The following HOMER1 variants were observed in gnomAD, a reference collection of about 807,000 sequenced individuals.
The protein encoded by HOMER1 is homer protein homolog 1.
Under a neutral mutation model 48.9 loss-of-function variants are expected in HOMER1, and 3 were observed. That is an observed-to-expected ratio of 0.06 (90% confidence interval 0.03 to 0.16). The LOEUF is 0.16. HOMER1 is among the 10% of genes least tolerant of loss of function. HOMER1 has a pLI of 1.00. For synonymous variants in HOMER1, 134 were observed against 146.4 expected, an observed-to-expected ratio of 0.92 and a Z score of 0.61; for missense variants, 247 against 411.4, an observed-to-expected ratio of 0.60 and a Z score of 3.46.
chr5:79,458,361 T>C (rs1157658420), intron 1 of HOMER1, among the ~76,000 whole-genome samples: 3 of 151,836 alleles, frequency 2.0e-5, no homozygotes, highest in African/African-American at 4.8e-5. Flanking sequence ...CAGTTCAATG[T>C]CATAAAGAAA....
chr5:79,399,087 TTCTGATAATG>T (rs1423286099), intron 6 of HOMER1, among the ~76,000 whole-genome samples: 1 of 152,220 alleles, frequency 6.6e-6, no homozygotes, highest in African/African-American at 2.4e-5. Flanking sequence ...GGAGTTCCAA[TTCTGATAATG>T]ATGAAATAGT....
chr5:79,398,778 G>A (rs924888599), intron 6 of HOMER1, among the ~76,000 whole-genome samples: 1 of 152,142 alleles, frequency 6.6e-6, no homozygotes, highest in Non-Finnish European at 1.5e-5. Context: ...TACTCAGTGA[G>A]TACTTCCAAC....
chr5:79,434,158 GA>G (rs1396626457), intron 5 of HOMER1, among the ~76,000 whole-genome samples: 1 of 151,892 alleles, frequency 6.6e-6, no homozygotes, highest in African/African-American at 2.4e-5. Context: ...CTGAACTCTC[GA>G]AAATATGACA....
At chr5:79,423,172 TCAC>T (rs748712160) in intron 5 of HOMER1, among the ~76,000 whole-genome samples, 4 of 152,156 alleles carry the variant, frequency 2.6e-5, no homozygotes, top group East Asian at 3.8e-4. Flanking sequence ...ATAATTGACT[TCAC>T]TATTTTCCAT....
rs1446673629 is a variant in HOMER1 at position 79,504,261 on chromosome 5, C to T, written c.5+8509G>A. ...CAGAACCCTGGCAATACTCAGTAAA[C>T]AAGAGTAGGAGGAATCCTCAATCTG... is the stretch of plus-strand genomic sequence containing the variant. On this transcript the variant is annotated intron_variant, in intron 1 of 8. Coordinates refer to ENST00000334082, the MANE Select transcript of HOMER1 (RefSeq NM_004272.5). Among the ~76,000 whole-genome samples the T allele has an allele frequency of 2.0e-5, 3 of 151,654 alleles. No individual in the cohort carries two copies. In the East Asian group the frequency reaches 5.8e-4, roughly 29 times the overall value.
chr5:79,387,619 C>T (rs1749151095), intron 8 of HOMER1, among the ~76,000 whole-genome samples: 1 of 152,068 alleles, frequency 6.6e-6, no homozygotes, highest in African/African-American at 2.4e-5. Flanking sequence ...AAAACATACA[C>T]ACATTTTGAA....
At chr5:79,425,553 C>G (rs1033841110) in intron 5 of HOMER1, among the ~76,000 whole-genome samples, 1 of 152,026 alleles carries the variant, frequency 6.6e-6, no homozygotes, top group Non-Finnish European at 1.5e-5. Context: ...GGTTGCGAGA[C>G]TTCGAAGATA....
intron 1 of HOMER1, among the ~76,000 whole-genome samples, chr5:79,459,240 C>T (rs180868850): frequency 3.5e-4 from 54 of 152,256 alleles, no homozygotes; most frequent in Admixed American, 3.9e-4. Flanking sequence ...AATAACGTTG[C>T]TTTTGCAAGC....
chr5:79,503,522 C>CT lies in HOMER1; in HGVS notation c.5+9247dup, dbSNP rs562973692. Among the ~76,000 whole-genome samples, 11 of 113,356 alleles carry CT rather than the reference C, an allele frequency of 9.7e-5. No homozygotes were observed. In the South Asian group the frequency reaches 3.2e-3, roughly 33 times the overall value. The allele number at this position is 113,356 out of a possible 152,430, so 74.4% of individuals were successfully genotyped here. A position where few individuals can be genotyped will look rare whatever the true frequency, so the allele number is the denominator to read the frequency against. On this transcript the variant is annotated intron_variant, in intron 1 of 8. Transcript: ENST00000334082. ...CCAGCCTGGGTGACAGAGTGAGACT[C>CT]TGTCACAAAGAGAAAAAAAAAAAAA...
intron 8 of HOMER1, among the ~76,000 whole-genome samples, chr5:79,386,545 A>T (rs1749114873): frequency 6.6e-6 from 1 of 152,196 alleles, no homozygotes; most frequent in African/African-American, 2.4e-5. Flanking sequence ...GTAAGTTCTA[A>T]TGTTTGATAG....
At chr5:79,394,336 CT>C (rs1196100472) in intron 8 of HOMER1, among the ~76,000 whole-genome samples, 2 of 152,078 alleles carry the variant, frequency 1.3e-5, no homozygotes, top group African/African-American at 4.8e-5. Context: ...GGAGATGTTT[CT>C]GTGGGAGGGA....
intron 1 of HOMER1, among the ~76,000 whole-genome samples, chr5:79,502,932 A>G (rs752817467): frequency 1.3e-5 from 2 of 152,084 alleles, no homozygotes; most frequent in Non-Finnish European, 1.5e-5. Context: ...CTGTGACTAC[A>G]GGCGCCCGCC....
At position 79,379,174 on chromosome 5, in the gene HOMER1, T is replaced by C. The variant is rs1169613084; in HGVS notation, c.877-2977A>G. Among the ~76,000 whole-genome samples, 3 of 104,822 alleles carry C rather than the reference T, an allele frequency of 2.9e-5. No homozygotes were observed. The East Asian group carries it at 6.8e-4, about 24-fold the overall frequency. The allele number at this position is 104,822 out of a possible 152,430, so 68.8% of individuals were successfully genotyped here. ...TTTATATAAATATATTTATATATTA[T>C]ATATATTTTTATATATCTATAATAT... is the stretch of plus-strand genomic sequence containing the variant. On this transcript the variant is annotated intron_variant, in intron 8 of 8. Coordinates refer to ENST00000334082, the MANE Select transcript of HOMER1 (RefSeq NM_004272.5).
chr5:79,397,017 T>C, intron 7 of HOMER1, 114 bp from the exon 8 acceptor site: 1 of 604,304 alleles, frequency 1.7e-6, no homozygotes, highest in East Asian at 2.9e-5. Context: ...TTTAAAAACA[T>C]TCCTTCATAT....
chr5:79,471,479 G>A (rs1751617547), intron 1 of HOMER1, among the ~76,000 whole-genome samples: 1 of 145,042 alleles, frequency 6.9e-6, no homozygotes. Flanking sequence ...CTGGGAGGCA[G>A]AGGTTGCAGT....
intron 5 of HOMER1, among the ~76,000 whole-genome samples, chr5:79,405,437 T>C (rs979644629): frequency 2.0e-5 from 3 of 152,224 alleles, no homozygotes; most frequent in Admixed American, 1.3e-4. Flanking sequence ...ACCTATCAAT[T>C]TGCCCCATCT....
chr5:79,475,764 AAAGT>A (rs1356071835), intron 1 of HOMER1, among the ~76,000 whole-genome samples: 1 of 152,182 alleles, frequency 6.6e-6, no homozygotes, highest in Non-Finnish European at 1.5e-5. Flanking sequence ...GTAATGACTG[AAAGT>A]AAGTTTTCAG....
In HOMER1 at chr5:79,513,129, T is replaced by A. The variant is rs889931589; in HGVS notation, c.-355A>T. On this transcript the variant is annotated 5_prime_UTR_variant, in exon 1 of 9. An upstream start codon of the reference 5' UTR is lost. Transcript: ENST00000334082. Reference sequence around the variant, plus strand: ...ATGAGTTCGCTGGTCATTTCACTCATGTCCTCCTCGACACTCAGGGAGAGC... The same window carrying A: ...ATGAGTTCGCTGGTCATTTCACTCAAGTCCTCCTCGACACTCAGGGAGAGC... The A allele has an allele frequency of 7.1e-6, 2 of 282,558 alleles. No individual in the cohort carries two copies. The highest frequency in any genetic ancestry group is 4.5e-5 in the African/African-American group (2 of 44,600). 17.5% of individuals were successfully genotyped at this position (282,558 alleles called of 1,614,324 possible).
At position 79,392,954 on chromosome 5, in the gene HOMER1, GGAGAGAGA is replaced by G. The variant is rs3082001; in HGVS notation, c.876+3861_876+3868del. 3.2e-3 allele frequency among the ~76,000 whole-genome samples: 448 copies of G among 140,942 alleles called. 1 individual carries two copies. Among genetic ancestry groups the G allele is most frequent in the African/African-American group, 8.4e-3 (311 of 36,992 alleles). 92.5% of individuals were successfully genotyped at this position (140,942 alleles called of 152,430 possible). A position where few individuals can be genotyped will look rare whatever the true frequency, so the allele number is the denominator to read the frequency against. On this transcript the variant is annotated intron_variant, in intron 8 of 8. Transcript: ENST00000334082. ...GGGAGGGAGGGAAAAGAAGGGAAAG[GGAGAGAGA>G]GAGAGAGAGAGAGAGAGAGAGAGAG...
Sources: gnomAD v4.1 joint callset for allele counts (sites outside exome capture counted in the v4.1 genomes callset) on GRCh38, gnomAD v4.1.1 for gene constraint, MANE v1.5 for transcripts, NCBI Gene and HGNC (gene_info 2026-07-23, HGNC 2026-07-21) for gene names.